The following PPFIBP1 variants were observed in gnomAD, a reference collection of about 807,000 sequenced individuals.
The protein encoded by PPFIBP1 is PPFIB scaffold protein 1.
Under a neutral mutation model 137.8 loss-of-function variants are expected in PPFIBP1, and 112 were observed. The ratio of observed to expected loss-of-function variants is 0.81; its 90% CI spans 0.70 to 0.95. The LOEUF (loss-of-function observed/expected upper bound fraction) is 0.95, where lower values mean the gene tolerates loss of function less well. PPFIBP1 is among the 40% of genes least tolerant of loss of function. The pLI is 0.00. For synonymous variants in PPFIBP1, 378 were observed against 417.3 expected (o/e 0.91, Z 1.15); for missense variants, 1,083 against 1,196.6 (o/e 0.91, Z 1.40).
chr12:27,604,952 A>G (rs2054371064), intron 2 of PPFIBP1, among the ~76,000 whole-genome samples: 1 of 152,170 alleles, frequency 6.6e-6, no homozygotes, highest in South Asian at 2.1e-4. Context: ...TCCCATTTTT[A>G]AAACCATCAG....
chr12:27,613,856 T>C (rs945827901), intron 2 of PPFIBP1, among the ~76,000 whole-genome samples: 9 of 152,258 alleles, frequency 5.9e-5, no homozygotes, highest in African/African-American at 2.2e-4. Flanking sequence ...TCCTCTCTTC[T>C]TGGGGTAGAT....
At chr12:27,661,842 C>T (rs1240509653) in intron 11 of PPFIBP1, among the ~76,000 whole-genome samples, 1 of 151,976 alleles carries the variant, frequency 6.6e-6, no homozygotes, top group African/African-American at 2.4e-5. Flanking sequence ...TTTATTTGCT[C>T]TTTATTGCCT....
At chr12:27,625,435 C>T (rs1278283708) in intron 2 of PPFIBP1, among the ~76,000 whole-genome samples, 2 of 151,876 alleles carry the variant, frequency 1.3e-5, no homozygotes, top group African/African-American at 4.8e-5. Context: ...TGTAACTTGT[C>T]TCTAAAAAAT....
intron 1 of PPFIBP1, among the ~76,000 whole-genome samples, chr12:27,571,032 T>A (rs952737092): frequency 1.3e-5 from 2 of 152,216 alleles, no homozygotes; most frequent in African/African-American, 4.8e-5. Flanking sequence ...CTCTGGGATC[T>A]GTGATGAAGG....
chr12:27,587,404 G>A (rs562461446), intron 2 of PPFIBP1, among the ~76,000 whole-genome samples: 2 of 151,906 alleles, frequency 1.3e-5, no homozygotes, highest in Admixed American at 1.3e-4. Context: ...GGCGGATCAC[G>A]GAGGTCAGGA....
At position 27,667,413 on chromosome 12, in the gene PPFIBP1, C is replaced by G; in HGVS notation, c.1146+93C>G. On this transcript the variant is annotated intron_variant, in intron 13 of 29. Coordinates refer to ENST00000228425, the MANE Select transcript of PPFIBP1 (RefSeq NM_003622.4). Reference sequence around the variant, plus strand: ...CTCATAACATGAAAAACATGGGTTCCTTTCTCAGTTCCATCACCAACTCAA... The same window carrying G: ...CTCATAACATGAAAAACATGGGTTCGTTTCTCAGTTCCATCACCAACTCAA... The G allele has an allele frequency of 2.6e-6, 3 of 1,154,896 alleles. No individual in the cohort carries two copies. In the Admixed American group the frequency reaches 8.9e-5, roughly 34 times the overall value. The allele number at this position is 1,154,896 out of a possible 1,614,324, so 71.5% of individuals were successfully genotyped here.
At chr12:27,568,675 T>G (rs2049891999) in intron 1 of PPFIBP1, among the ~76,000 whole-genome samples, 1 of 152,192 alleles carries the variant, frequency 6.6e-6, no homozygotes, top group African/African-American at 2.4e-5. Flanking sequence ...TTCTAGAAAC[T>G]TCCTTCCTAA....
At chr12:27,639,303 CAG>C (rs932993823) in intron 4 of PPFIBP1, among the ~76,000 whole-genome samples, 6 of 152,256 alleles carry the variant, frequency 3.9e-5, no homozygotes, top group Non-Finnish European at 8.8e-5. Flanking sequence ...TGTGTTAACA[CAG>C]ATATTAATAA....
chr12:27,604,022 A>G (rs544518572), intron 2 of PPFIBP1, among the ~76,000 whole-genome samples: 2 of 152,144 alleles, frequency 1.3e-5, no homozygotes, highest in East Asian at 3.9e-4. Context: ...TCCTTAAAGG[A>G]CTAGAAGTCA....
chr12:27,581,052 G>T (rs2051054615), intron 2 of PPFIBP1, among the ~76,000 whole-genome samples: 2 of 151,972 alleles, frequency 1.3e-5, no homozygotes, highest in African/African-American at 4.8e-5. Context: ...GTGCCATCAT[G>T]CCCGGCTAGT....
chr12:27,606,803 C>G (rs1249193100), intron 2 of PPFIBP1, among the ~76,000 whole-genome samples: 1 of 152,158 alleles, frequency 6.6e-6, no homozygotes, highest in Non-Finnish European at 1.5e-5. Context: ...AACAAGTGGG[C>G]CACAGATTAG....
At chr12:27,537,171 A>G (rs572364717) in intron 1 of PPFIBP1, among the ~76,000 whole-genome samples, 5 of 151,190 alleles carry the variant, frequency 3.3e-5, no homozygotes, top group African/African-American at 1.2e-4. Flanking sequence ...TCTCACGGTC[A>G]CCTAGGCTGG....
Position 27,538,721 on chromosome 12 carries a change from G to T in PPFIBP1, c.-124+14356G>T, listed in dbSNP as rs1313688505. ...CCAGGCTCCATGGAGATGCAAAGAT[G>T]CCCCAGCTAGAAAATGCAGTATTAG... On this transcript the variant is annotated intron_variant, in intron 1 of 29. Transcript: ENST00000228425. Among the ~76,000 whole-genome samples the T allele has an allele frequency of 2.6e-5, 4 of 152,286 alleles. No individual in the cohort carries two copies. In the East Asian group the frequency reaches 7.7e-4, roughly 29 times the overall value.
intron 2 of PPFIBP1, among the ~76,000 whole-genome samples, chr12:27,613,967 G>C (rs760633568): frequency 2.0e-5 from 3 of 152,046 alleles, no homozygotes; most frequent in Non-Finnish European, 4.4e-5. Flanking sequence ...CACACCCCAG[G>C]TCCAGAATAG....
At chr12:27,655,869 A>G (rs373304328) in intron 8 of PPFIBP1, among the ~76,000 whole-genome samples, 4 of 152,362 alleles carry the variant, frequency 2.6e-5, no homozygotes, top group East Asian at 1.9e-4. Context: ...AGCATTGCAT[A>G]GCTGTATTTT....
chr12:27,645,658 C>T (rs1160603723), intron 4 of PPFIBP1, among the ~76,000 whole-genome samples: 1 of 152,164 alleles, frequency 6.6e-6, no homozygotes, highest in Non-Finnish European at 1.5e-5. Context: ...TCTGCGCTAC[C>T]AGGGGAAGTC....
Position 27,687,484 on chromosome 12 carries a change from C to G in PPFIBP1, c.2347C>G (p.Leu783Val). ...LRINNFEPNC[L>V]RRRPSDENTI... ...GATCAATAACTTTGAACCAAACTGTCTACGGAGGCGGCCATCTGATGAGGT... is the reference window on the plus strand; with the variant it reads ...GATCAATAACTTTGAACCAAACTGTGTACGGAGGCGGCCATCTGATGAGGT... The change falls in exon 25 of 30, where the codon CTA (leucine) becomes GTA (valine). Residue 783 changes from leucine to valine, a missense_variant. Transcript: ENST00000228425. The G allele has an allele frequency of 6.2e-7, 1 of 1,613,894 alleles. No homozygotes were observed. The highest frequency in any genetic ancestry group is 8.5e-7 in the Non-Finnish European group (1 of 1,179,844).
rs762512588 is a variant in PPFIBP1 at position 27,682,715 on chromosome 12, A to G, written c.2247+12A>G. 5 of 1,613,532 alleles carry G rather than the reference A, an allele frequency of 3.1e-6. No homozygotes were observed. Among genetic ancestry groups the G allele is most frequent in the Non-Finnish European group, 4.2e-6 (5 of 1,179,886 alleles). On this transcript the variant is annotated intron_variant, in intron 24 of 29. Transcript: ENST00000228425. ...ATTACATGACTGTTGTAAGTGACTCACTCCTGGGGTTTGGGGGAGGAAAAC... is the reference window on the plus strand; with the variant it reads ...ATTACATGACTGTTGTAAGTGACTCGCTCCTGGGGTTTGGGGGAGGAAAAC...
chr12:27,666,247 GCA>G (rs759365212), intron 12 of PPFIBP1, among the ~76,000 whole-genome samples: 12 of 152,142 alleles, frequency 7.9e-5, no homozygotes, highest in Admixed American at 2.0e-4. Context: ...ATGTACAGCA[GCA>G]CAGATTTTCT....
Sources: allele counts gnomAD v4.1 joint callset (sites outside exome capture counted in the v4.1 genomes callset), GRCh38; gene constraint gnomAD v4.1.1; transcripts MANE v1.5; gene names NCBI Gene and HGNC (gene_info 2026-07-23, HGNC 2026-07-21).